Variants in POU2F2 observed in about 807,000 individuals in gnomAD.
POU2F2 encodes POU domain, class 2, transcription factor 2.
POU2F2 carries 14 observed loss-of-function variants against 63.5 expected under a neutral mutation model. That is an observed-to-expected ratio of 0.22 (90% CI 0.15 to 0.34). The LOEUF (loss-of-function observed/expected upper bound fraction) is 0.34, where lower values mean the gene tolerates loss of function less well. Ranked by LOEUF, POU2F2 falls within the 10% of genes least tolerant of loss-of-function variation. The pLI, the probability that POU2F2 is intolerant of heterozygous loss-of-function variation, is 1.00. For synonymous variants in POU2F2, 306 were observed against 348.6 expected, an observed-to-expected ratio of 0.88 and a Z score of 1.36; for missense variants, 607 against 815.2, an observed-to-expected ratio of 0.74 and a Z score of 3.11.
At position 42,152,199 on chromosome 19, in the gene POU2F2, G is replaced by A. The variant is rs2034365422; in HGVS notation, c.-9+8133C>T. On this transcript the variant is annotated intron_variant, in intron 2 of 6. Coordinates refer to the POU2F2 transcript ENST00000524801. The surrounding 1 kb of genome is among the most constrained non-coding windows in gnomAD (Gnocchi z 4.1). Reference sequence around the variant, plus strand: ...GCCCCCATGCCCACAGGGATATGGAGCCTCCAAAGAGACAGAAGGAAACAG... The same window carrying A: ...GCCCCCATGCCCACAGGGATATGGAACCTCCAAAGAGACAGAAGGAAACAG... 6.6e-6 allele frequency among the ~76,000 whole-genome samples: 1 copy of A among 152,200 alleles called. No homozygotes were observed. The highest frequency in any genetic ancestry group is 1.5e-5 in the Non-Finnish European group (1 of 68,034).
chr19:42,094,679 C>A (rs1460396084), intron 11 of POU2F2, among the ~76,000 whole-genome samples: 4 of 152,206 alleles, frequency 2.6e-5, no homozygotes, highest in African/African-American at 9.7e-5. Flanking sequence ...GGCTTCTAGG[C>A]CTTAGTACAC....
chr19:42,118,297 C>T lies in POU2F2; in HGVS notation c.187-865G>A, dbSNP rs1266595717. 3.3e-5 allele frequency among the ~76,000 whole-genome samples: 5 copies of T among 152,218 alleles called. No homozygotes were observed. The East Asian group carries it at 7.7e-4, about 23-fold the overall frequency. ...AAGGTTTTCAGGTACTAAGAAAAAC[C>T]ACCACCTTGGAACCTGGGCTACAAA... is the stretch of plus-strand genomic sequence containing the variant. On this transcript the variant is annotated intron_variant, in intron 4 of 14. Coordinates refer to ENST00000692977, the MANE Select transcript of POU2F2 (RefSeq NM_001394376.1).
At chr19:42,108,261 T>A (rs1302203097) in intron 5 of POU2F2, among the ~76,000 whole-genome samples, 1 of 152,188 alleles carries the variant, frequency 6.6e-6, no homozygotes, top group Non-Finnish European at 1.5e-5. Flanking sequence ...CATGGTGATA[T>A]TCACTAAATA....
At chr19:42,170,864 C>G (rs2034749317) in intron 1 of POU2F2, among the ~76,000 whole-genome samples, 1 of 152,266 alleles carries the variant, frequency 6.6e-6, no homozygotes, top group Non-Finnish European at 1.5e-5. Context: ...TCATGGGCCC[C>G]CAGCCAGCTT....
rs2146243013 is a variant in POU2F2, at chr19:42,087,407, G to C, written c.*3850C>G. ...GCTAGTCCCTCGCCAGATCTCCCCAGGGCTTGGAGAGCCCGTCATGGCCTT... is the reference window on the plus strand; with the variant it reads ...GCTAGTCCCTCGCCAGATCTCCCCACGGCTTGGAGAGCCCGTCATGGCCTT... On this transcript the variant is annotated 3_prime_UTR_variant, in exon 15 of 15. Coordinates refer to ENST00000692977, the MANE Select transcript of POU2F2 (RefSeq NM_001394376.1). 1 of 151,914 alleles carries C rather than the reference G, an allele frequency of 6.6e-6. No homozygotes were observed. The highest frequency in any genetic ancestry group is 1.9e-4 in the East Asian group (1 of 5,180). 9.4% of individuals were successfully genotyped at this position (151,914 alleles called of 1,614,324 possible). A position where few individuals can be genotyped will look rare whatever the true frequency, so the allele number is the denominator to read the frequency against.
chr19:42,134,292 G>C (rs187886209), upstream of POU2F2, among the ~76,000 whole-genome samples: 1 of 152,090 alleles, frequency 6.6e-6, no homozygotes, highest in Non-Finnish European at 1.5e-5. Context: ...TCAGGAACAC[G>C]CTTTTGGATG....
At chr19:42,126,860 A>G (rs1260070351) in intron 1 of POU2F2, among the ~76,000 whole-genome samples, 1 of 152,164 alleles carries the variant, frequency 6.6e-6, no homozygotes, top group Non-Finnish European at 1.5e-5. Flanking sequence ...TCTCTTTAGC[A>G]GTCTCTGTTT....
rs529190241 is a variant in POU2F2 at position 42,096,214 on chromosome 19, C to T, written c.597G>A (p.Pro199=). ...QAVTRPTLPD[P]HLSHPQPPKC... is the part of the protein sequence containing the mutation. ...TGGGGGGCTGCGGGTGCGAGAGGTGCGGGTCGGGCAGCGTAGGGCGGGTCA... is the reference window on the plus strand; with the variant it reads ...TGGGGGGCTGCGGGTGCGAGAGGTGTGGGTCGGGCAGCGTAGGGCGGGTCA... The change falls in exon 8 of 15, where the codon CCG becomes CCA. Residue 199 remains proline (P), a synonymous_variant. Coordinates refer to ENST00000692977, the MANE Select transcript of POU2F2 (RefSeq NM_001394376.1). This position sits in a 1 kb window ranked among gnomAD's most constrained non-coding sequence, Gnocchi z 4.1. 8.4e-6 allele frequency: 11 copies of T among 1,304,594 alleles called. No individual in the cohort carries two copies. The highest frequency in any genetic ancestry group is 1.5e-5 in the African/African-American group (1 of 65,224). The allele number at this position is 1,304,594 out of a possible 1,614,324, so 80.8% of individuals were successfully genotyped here.
In POU2F2 at chr19:42,117,652, T is replaced by C. The variant is rs566957252; in HGVS notation, c.187-220A>G. Among the ~76,000 whole-genome samples, 1 of 152,008 alleles carries C rather than the reference T, an allele frequency of 6.6e-6. No individual in the cohort carries two copies. Among genetic ancestry groups the C allele is most frequent in the African/African-American group, 2.4e-5 (1 of 41,450 alleles). On this transcript the variant is annotated intron_variant, in intron 4 of 14. Transcript: ENST00000692977. This position sits in a 1 kb window ranked among gnomAD's most constrained non-coding sequence, Gnocchi z 4.4. ...AGAAGTCGCCTTTGCAGAGCACTTTTCCCCTCCTGAGAGTCAGTTTTCCTG... is the reference window on the plus strand; with the variant it reads ...AGAAGTCGCCTTTGCAGAGCACTTTCCCCCTCCTGAGAGTCAGTTTTCCTG...
chr19:42,190,075 T>C (rs1468353024), intron 1 of POU2F2, among the ~76,000 whole-genome samples: 1 of 151,894 alleles, frequency 6.6e-6, no homozygotes, highest in Non-Finnish European at 1.5e-5. Flanking sequence ...CATGGATGTA[T>C]CTATAGGTTA....
Position 42,095,620 on chromosome 19 carries a change from C to T in POU2F2, c.945G>A (p.Leu315=), listed in dbSNP as rs572972642. Residue 315 remains leucine (L), a synonymous_variant, in exon 10 of 15, where the codon CTG becomes CTA. Transcript: ENST00000692977. This position sits in a 1 kb window ranked among gnomAD's most constrained non-coding sequence, Gnocchi z 7.1. The part of the protein sequence containing the change: ...LSSPSLGFDG[L]PGRRRKKRTS... Reference sequence around the variant, plus strand: ...TCCTCTTCTTGCGTCTCCGGCCGGGCAGGCCGTCGAAACCCAGGCTGGGGC... The same window carrying T: ...TCCTCTTCTTGCGTCTCCGGCCGGGTAGGCCGTCGAAACCCAGGCTGGGGC... The T allele has an allele frequency of 1.9e-5, 31 of 1,613,010 alleles. 1 individual carries two copies. In the South Asian group the frequency reaches 2.9e-4, roughly 15 times the overall value.
intron 2 of POU2F2, among the ~76,000 whole-genome samples, chr19:42,149,449 C>T (rs867057826): frequency 2.6e-5 from 4 of 151,664 alleles, no homozygotes; most frequent in African/African-American, 7.3e-5. Context: ...GGATGTGGGG[C>T]GCAGGCAGGG....
chr19:42,120,790 TTCTC>T (rs1430209470), intron 4 of POU2F2, among the ~76,000 whole-genome samples: 4 of 152,230 alleles, frequency 2.6e-5, no homozygotes, highest in African/African-American at 9.6e-5. Flanking sequence ...CATTATAACC[TTCTC>T]TCTATTTCTG....
At chr19:42,122,871 A>G (rs2032812085) in intron 1 of POU2F2, among the ~76,000 whole-genome samples, 1 of 152,214 alleles carries the variant, frequency 6.6e-6, no homozygotes, top group African/African-American at 2.4e-5. Context: ...CAGGAGATGG[A>G]AGGTGGTCGT....
chr19:42,172,529 C>T (rs764771437), intron 1 of POU2F2, among the ~76,000 whole-genome samples: 100 of 152,150 alleles, frequency 6.6e-4, no homozygotes, highest in Non-Finnish European at 1.3e-3. Flanking sequence ...AGCTGCCTGT[C>T]CCGAGGATCT....
At chr19:42,127,863 A>G (rs934204680) in intron 1 of POU2F2, among the ~76,000 whole-genome samples, 2 of 151,848 alleles carry the variant, frequency 1.3e-5, no homozygotes, top group African/African-American at 4.8e-5. Flanking sequence ...ATCTGATCTC[A>G]GGTTCCTAAA....
rs1035188055 is a variant in POU2F2 at position 42,155,145 on chromosome 19, C to A, written c.-9+5187G>T. 6.6e-6 allele frequency among the ~76,000 whole-genome samples: 1 copy of A among 152,222 alleles called. No homozygotes were observed. The highest frequency in any genetic ancestry group is 1.5e-5 in the Non-Finnish European group (1 of 68,038). ...ACCTGCCTCAGCTGCAGCTGCCCCG[C>A]ACTGTTTTTTCTTTCTCATTGTCCC... On this transcript the variant is annotated intron_variant, in intron 2 of 6. Transcript: ENST00000524801. The surrounding 1 kb of genome is among the most constrained non-coding windows in gnomAD (Gnocchi z 4.2).
At chr19:42,178,767 G>T (rs930318662), upstream of POU2F2, among the ~76,000 whole-genome samples, 10 of 152,056 alleles carry the variant, frequency 6.6e-5, no homozygotes, top group Non-Finnish European at 1.2e-4. Context: ...AAGAAACAGA[G>T]ACAGAAAGAA....
Position 42,095,765 on chromosome 19 carries a change from C to T in POU2F2, c.871+23G>A. ...CAGCGGCCACTGCCCGCCCCCTACG[C>T]GGGAACCCCAGCCTGGTCCCACCTG... is the stretch of plus-strand genomic sequence containing the variant. On this transcript the variant is annotated intron_variant, in intron 9 of 14. Transcript: ENST00000692977. The surrounding 1 kb of genome is among the most constrained non-coding windows in gnomAD (Gnocchi z 7.1). 1 of 1,613,760 alleles carries T rather than the reference C, an allele frequency of 6.2e-7. No individual in the cohort carries two copies. Among genetic ancestry groups the T allele is most frequent in the African/African-American group, 1.3e-5 (1 of 75,036 alleles).
Sources: gnomAD v4.1 joint callset for allele counts (sites outside exome capture counted in the v4.1 genomes callset) on GRCh38, gnomAD v4.1.1 for gene constraint, Gnocchi (gnomAD v3.1) non-coding constraint, MANE v1.5 for transcripts, NCBI Gene and HGNC (gene_info 2026-07-23, HGNC 2026-07-21) for gene names.